Variants in ERBB4 observed in about 807,000 individuals in gnomAD.
ERBB4 encodes the protein erb-b2 receptor tyrosine kinase 4.
A neutral mutation model predicts 158.0 loss-of-function variants in ERBB4; 42 were observed. The ratio of observed to expected loss-of-function variants is 0.27; its 90% CI spans 0.21 to 0.34. The LOEUF is 0.34. ERBB4 is among the 10% of genes least tolerant of loss of function. The pLI, the probability that ERBB4 is intolerant of heterozygous loss-of-function variation, is 1.00. For missense variants in ERBB4, 1,333 were observed against 1,624.1 expected, an observed-to-expected ratio of 0.82 and a Z score of 3.08; for synonymous variants, 583 against 558.7, an observed-to-expected ratio of 1.04 and a Z score of -0.61.
At chr2:212,345,000 G>A (rs1359138096) in intron 1 of ERBB4, among the ~76,000 whole-genome samples, 2 of 152,090 alleles carry the variant, frequency 1.3e-5, no homozygotes, top group Non-Finnish European at 2.9e-5. Flanking sequence ...GGTGGGTCAC[G>A]CCTGTAATCC....
At chr2:212,451,997 G>A (rs1188900748) in intron 1 of ERBB4, among the ~76,000 whole-genome samples, 1 of 150,676 alleles carries the variant, frequency 6.6e-6, no homozygotes, top group East Asian at 1.9e-4. Context: ...TGCATGGCTT[G>A]TGAGTGTGCA....
chr2:212,118,735 A>C (rs530738203), intron 2 of ERBB4, among the ~76,000 whole-genome samples: 1 of 152,048 alleles, frequency 6.6e-6, no homozygotes, highest in African/African-American at 2.4e-5. Context: ...AAAAATAGAA[A>C]TTTTTAGATG....
chr2:211,884,406 C>A (rs573817932), intron 3 of ERBB4, among the ~76,000 whole-genome samples: 1 of 152,220 alleles, frequency 6.6e-6, no homozygotes, highest in East Asian at 1.9e-4. Context: ...GAAAATGTAC[C>A]ACGGAAACGG....
intron 3 of ERBB4, among the ~76,000 whole-genome samples, chr2:211,795,055 A>G (rs934383688): frequency 6.6e-6 from 1 of 151,860 alleles, no homozygotes; most frequent in African/African-American, 2.4e-5. Context: ...ATCTCATACC[A>G]GATTTAACTT....
chr2:212,500,337 A>G (rs1690818124), intron 1 of ERBB4, among the ~76,000 whole-genome samples: 1 of 152,120 alleles, frequency 6.6e-6, no homozygotes, highest in Non-Finnish European at 1.5e-5. Flanking sequence ...CCCACTCCAG[A>G]TAATTGGCAG....
intron 2 of ERBB4, among the ~76,000 whole-genome samples, chr2:211,994,365 T>C (rs928265955): frequency 1.6e-4 from 25 of 152,140 alleles, no homozygotes; most frequent in Non-Finnish European, 1.5e-5. Flanking sequence ...ACTCCTGACT[T>C]CAAGCTCTCC....
chr2:211,995,328 C>A (rs1345255397), intron 2 of ERBB4, among the ~76,000 whole-genome samples: 1 of 152,200 alleles, frequency 6.6e-6, no homozygotes, highest in African/African-American at 2.4e-5. Context: ...TAGAGGAACT[C>A]TAATTGATGA....
intron 3 of ERBB4, among the ~76,000 whole-genome samples, chr2:211,861,138 A>AT (rs1210230054): frequency 2.1e-4 from 6 of 28,370 alleles, no homozygotes; most frequent in African/African-American, 5.9e-4. Context: ...ATATATATAT[A>AT]TATATATATA....
chr2:211,514,111 ATC>A (rs1361075650), intron 20 of ERBB4, among the ~76,000 whole-genome samples: 1 of 151,700 alleles, frequency 6.6e-6, no homozygotes. Context: ...TCATTAGCAA[ATC>A]TCTCTTCATA....
At chr2:211,559,319 G>A (rs1007077630) in intron 20 of ERBB4, among the ~76,000 whole-genome samples, 2 of 152,072 alleles carry the variant, frequency 1.3e-5, no homozygotes, top group Non-Finnish European at 2.9e-5. Context: ...GATCTATTTA[G>A]AATATAAATG....
chr2:212,083,941 T>C (rs1360864445), intron 2 of ERBB4, among the ~76,000 whole-genome samples: 1 of 141,416 alleles, frequency 7.1e-6, no homozygotes, highest in East Asian at 2.0e-4. Context: ...AAAAAAAAGA[T>C]CCACTACAAC....
chr2:211,623,497 G>A (rs746849700), intron 18 of ERBB4, among the ~76,000 whole-genome samples: 1 of 152,124 alleles, frequency 6.6e-6, no homozygotes, highest in Non-Finnish European at 1.5e-5. Context: ...CTGATGGAGA[G>A]GCGTTGGATA....
chr2:212,477,162 G>T (rs984033010), intron 1 of ERBB4, among the ~76,000 whole-genome samples: 8 of 152,068 alleles, frequency 5.3e-5, no homozygotes, highest in Admixed American at 3.9e-4. Flanking sequence ...CTTCATTAGG[G>T]TCTAGAAATC....
At chr2:211,894,750 A>G (rs1216778397) in intron 3 of ERBB4, among the ~76,000 whole-genome samples, 1 of 152,174 alleles carries the variant, frequency 6.6e-6, no homozygotes, top group African/African-American at 2.4e-5. Context: ...AAGCTGAAGT[A>G]GTCTATGTAA....
intron 1 of ERBB4, among the ~76,000 whole-genome samples, chr2:212,284,512 T>C (rs926033322): frequency 1.3e-5 from 2 of 152,116 alleles, no homozygotes; most frequent in African/African-American, 4.8e-5. Flanking sequence ...AGCCTCTTTA[T>C]TACAAGAGTG....
chr2:212,309,651 C>G (rs891653368), intron 1 of ERBB4, among the ~76,000 whole-genome samples: 10 of 150,484 alleles, frequency 6.6e-5, no homozygotes, highest in African/African-American at 2.4e-4. Flanking sequence ...ATTCAATAAC[C>G]AAATAACAAT....
chr2:211,768,425 T>A (rs1191763307), intron 4 of ERBB4, among the ~76,000 whole-genome samples: 1 of 152,224 alleles, frequency 6.6e-6, no homozygotes, highest in African/African-American at 2.4e-5. Flanking sequence ...GGACTCTGTG[T>A]GGGGGCTACA....
intron 1 of ERBB4, among the ~76,000 whole-genome samples, chr2:212,353,289 A>G (rs901646885): frequency 2.7e-4 from 41 of 151,708 alleles, no homozygotes; most frequent in African/African-American, 9.9e-4. Context: ...AATTTGTATC[A>G]TTATACAAAT....
intron 1 of ERBB4, among the ~76,000 whole-genome samples, chr2:212,486,615 CA>C (rs1421522125): frequency 2.6e-5 from 4 of 152,042 alleles, no homozygotes; most frequent in Non-Finnish European, 5.9e-5. Flanking sequence ...TTCTAAGACA[CA>C]GATAAATTTG....
Sources: gnomAD v4.1 joint callset for allele counts (sites outside exome capture counted in the v4.1 genomes callset) on GRCh38, gnomAD v4.1.1 for gene constraint, MANE v1.5 for transcripts, NCBI Gene and HGNC (gene_info 2026-07-23, HGNC 2026-07-21) for gene names.